OTOGL: variants seen among roughly 807,000 people sequenced by gnomAD.
OTOGL encodes otogelin like, also known as otogelin-like protein.
OTOGL carries 285 observed loss-of-function variants against 318.5 expected under a neutral mutation model. That is an observed-to-expected ratio of 0.89 (90% CI 0.81 to 0.99). The LOEUF (loss-of-function observed/expected upper bound fraction) is 0.99, where lower values mean the gene tolerates loss of function less well. Ranked by LOEUF, OTOGL falls within the 50% of genes least tolerant of loss-of-function variation. The pLI, the probability that OTOGL is intolerant of heterozygous loss-of-function variation, is 0.00. For missense variants in OTOGL, 2,899 were observed against 2,845.6 expected (o/e 1.02, Z -0.43); for synonymous variants, 987 against 936.5 (o/e 1.05, Z -0.99).
At chr12:80,263,949 T>A (rs1882748798) in intron 19 of OTOGL, among the ~76,000 whole-genome samples, 1 of 152,150 alleles carries the variant, frequency 6.6e-6, no homozygotes, top group Non-Finnish European at 1.5e-5. Context: ...ATAGTTTAAG[T>A]CATTTGTTTT....
intron 1 of OTOGL, among the ~76,000 whole-genome samples, chr12:80,193,618 T>C (rs1054474731): frequency 6.6e-6 from 1 of 152,206 alleles, no homozygotes; most frequent in Non-Finnish European, 1.5e-5. Context: ...TAACTTATCC[T>C]CATATATGCT....
chr12:80,190,651 G>T (rs2137260332), intron 1 of OTOGL, among the ~76,000 whole-genome samples: 1 of 152,034 alleles, frequency 6.6e-6, no homozygotes, highest in East Asian at 1.9e-4. Context: ...GCCGGGCGTG[G>T]TGGTGGGCGC....
At chr12:80,144,414 C>T (rs1872185518) in intron 1 of OTOGL, among the ~76,000 whole-genome samples, 1 of 150,694 alleles carries the variant, frequency 6.6e-6, no homozygotes, top group Non-Finnish European at 1.5e-5. Context: ...CATAGTATTC[C>T]GTGGTGTATA....
In OTOGL at chr12:80,318,153, G is replaced by A. The variant is rs867146596; in HGVS notation, c.3635-393G>A. Among the ~76,000 whole-genome samples, 80 of 151,880 alleles carry A rather than the reference G, an allele frequency of 5.3e-4. 1 individual carries two copies. Among genetic ancestry groups the A allele is most frequent in the Admixed American group, 5.9e-4 (9 of 15,230 alleles). Reference sequence around the variant, plus strand: ...TATCCTTTCCCCTTTATTTAGGCCCGGTCTTAAGTCCTTAAGGGGAAAAAA... The same window carrying A: ...TATCCTTTCCCCTTTATTTAGGCCCAGTCTTAAGTCCTTAAGGGGAAAAAA... On this transcript the variant is annotated intron_variant, in intron 32 of 58. Coordinates refer to ENST00000547103, the MANE Select transcript of OTOGL (RefSeq NM_001378609.3).
At chr12:80,202,350 A>C (rs186457843) in intron 1 of OTOGL, among the ~76,000 whole-genome samples, 339 of 150,132 alleles carry the variant, frequency 2.3e-3, no homozygotes, top group African/African-American at 7.8e-3. Context: ...AGCTCACTGC[A>C]ACCTCCACCT....
rs534737003 is a variant in OTOGL at position 80,180,496 on chromosome 12, C to A, written c.-19-28917C>A. Among the ~76,000 whole-genome samples, 6 of 152,282 alleles carry A rather than the reference C, an allele frequency of 3.9e-5. No homozygotes were observed. In the South Asian group the frequency reaches 1.2e-3, roughly 32 times the overall value. On this transcript the variant is annotated intron_variant, in intron 1 of 58. Coordinates refer to ENST00000547103, the MANE Select transcript of OTOGL (RefSeq NM_001378609.3). ...TGAGAGGAGTTTGCAAAGGCCTCTGCAGTGAAGGAGTCTGTGGGGGAACAC... is the reference window on the plus strand; with the variant it reads ...TGAGAGGAGTTTGCAAAGGCCTCTGAAGTGAAGGAGTCTGTGGGGGAACAC...
chr12:80,377,870 G>A lies in OTOGL; in HGVS notation c.6884G>A (p.Gly2295Asp), dbSNP rs900485380. 1.9e-6 allele frequency: 3 copies of A among 1,609,608 alleles called. No individual in the cohort carries two copies. The highest frequency in any genetic ancestry group is 2.5e-6 in the Non-Finnish European group (3 of 1,177,120). The change falls in exon 59 of 59, where the codon GGC (glycine) becomes GAC (aspartate). Residue 2295 changes from glycine (G) to aspartate (D), a missense_variant. Physicochemically the swap from Gly to Asp is moderately conservative, Grantham distance 94. This residue lies in a region of OTOGL where 289 missense variants were observed against 304.6 expected (regional missense o/e 0.95). Transcript: ENST00000547103. ...QSPINVASCDGKCPSATIYNI... is the reference protein window; with the variant it reads ...QSPINVASCDDKCPSATIYNI... ...CAGATAAATGTTGCATCTTGTGACG[G>A]CAAATGCCCATCAGCTACCATATAT... is the stretch of plus-strand genomic sequence containing the variant.
intron 1 of OTOGL, among the ~76,000 whole-genome samples, chr12:80,177,828 G>T (rs1919593): frequency 0.17 from 25,181 of 151,884 alleles, 3,954 homozygotes; most frequent in African/African-American, 0.42. Context: ...TTGCTTTTAA[G>T]CTTGTTAGGA....
chr12:80,132,839 C>T (rs1294252978), intron 1 of OTOGL: 1 of 152,134 alleles, frequency 6.6e-6, no homozygotes, highest in Non-Finnish European at 1.5e-5. Flanking sequence ...CTCTCACCTG[C>T]ATGTCAAGCA....
At chr12:80,135,422 A>G (rs1242548506) in intron 1 of OTOGL, among the ~76,000 whole-genome samples, 5 of 151,654 alleles carry the variant, frequency 3.3e-5, no homozygotes, top group Non-Finnish European at 7.4e-5. Flanking sequence ...ACAGGTGCCT[A>G]CCACCATGCC....
chr12:80,378,182 T>C lies in OTOGL; in HGVS notation c.*134T>C. 1 of 678,350 alleles carries C rather than the reference T, an allele frequency of 1.5e-6. No homozygotes were observed. The highest frequency in any genetic ancestry group is 2.4e-6 in the Non-Finnish European group (1 of 419,268). The allele number at this position is 678,350 out of a possible 1,614,324, so 42.0% of individuals were successfully genotyped here. ...TTTTTCAGACTTGGAATGTGGAAAT[T>C]TAGCAATTTGTACAAAATATATACA... On this transcript the variant is annotated 3_prime_UTR_variant, in exon 59 of 59. Transcript: ENST00000547103.
chr12:80,329,323 C>T (rs571309223), intron 37 of OTOGL, among the ~76,000 whole-genome samples: 1 of 152,312 alleles, frequency 6.6e-6, no homozygotes, highest in African/African-American at 2.4e-5. Flanking sequence ...AAGGATTCTT[C>T]TGCCTGAGAC....
intron 13 of OTOGL, among the ~76,000 whole-genome samples, chr12:80,253,205 G>T (rs1251139664): frequency 6.6e-6 from 1 of 151,942 alleles, no homozygotes; most frequent in East Asian, 1.9e-4. Context: ...ACATTGTTTT[G>T]TTTCCTTTAT....
chr12:80,212,133 G>A (rs1165200437), intron 4 of OTOGL, 136 bp downstream of exon 4: 2 of 844,854 alleles, frequency 2.4e-6, no homozygotes, highest in Non-Finnish European at 3.6e-6. Flanking sequence ...GGAGGAAGAA[G>A]CAAAGTAACC....
At chr12:80,238,759 G>A in intron 9 of OTOGL, 92 bp from the exon 10 acceptor site, 2 of 1,270,916 alleles carry the variant, frequency 1.6e-6, no homozygotes, top group Non-Finnish European at 2.0e-6. Context: ...GTTTTGACCA[G>A]GAAGTTTGTG....
intron 11 of OTOGL, 96 bp downstream of exon 11, chr12:80,239,535 A>G (rs1880183886): frequency 1.2e-6 from 1 of 838,554 alleles, no homozygotes. Context: ...GCTGTTCACA[A>G]AATATTATGG....
rs375381301 is a variant in OTOGL, at chr12:80,318,721, T to C, written c.3802+8T>C. ...TCAAAGAGAAGGTATCATGTAAGTA[T>C]AATTGAAAATAAGAGTTTAGCTTTC... On this transcript the variant is annotated splice_region_variant and intron_variant, in intron 33 of 58. Coordinates refer to ENST00000547103, the MANE Select transcript of OTOGL (RefSeq NM_001378609.3). 1.6e-6 allele frequency: 2 copies of C among 1,224,870 alleles called. No homozygotes were observed. The highest frequency in any genetic ancestry group is 3.1e-5 in the African/African-American group (2 of 63,640). The allele number at this position is 1,224,870 out of a possible 1,614,324, so 75.9% of individuals were successfully genotyped here.
chr12:80,304,165 T>G (rs916760242), intron 28 of OTOGL, among the ~76,000 whole-genome samples: 1 of 152,228 alleles, frequency 6.6e-6, no homozygotes, highest in African/African-American at 2.4e-5. Flanking sequence ...TTCTATACTG[T>G]TGAGTAGTAT....
In OTOGL at chr12:80,220,231, C is replaced by A. The variant is rs1240419582; in HGVS notation, c.334+319C>A. On this transcript the variant is annotated intron_variant, in intron 6 of 58. Transcript: ENST00000547103. The stretch of plus-strand genomic sequence containing the variant: ...CTGGAGTGCAATGGCACGATCTTGG[C>A]TGACTGCAATCTCTGCCTCCCAACC... 2.0e-5 allele frequency among the ~76,000 whole-genome samples: 3 copies of A among 152,100 alleles called. No individual in the cohort carries two copies. The East Asian group carries it at 5.8e-4, about 29-fold the overall frequency.
Sources: allele counts gnomAD v4.1 joint callset (sites outside exome capture counted in the v4.1 genomes callset), GRCh38; gene constraint gnomAD v4.1.1; regional missense constraint gnomAD v4.1.1; transcripts MANE v1.5; gene names NCBI Gene and HGNC (gene_info 2026-07-23, HGNC 2026-07-21).